The following ITCH variants were observed in gnomAD, a reference collection of about 807,000 sequenced individuals.
ITCH encodes the protein E3 ubiquitin-protein ligase Itchy homolog.
ITCH carries 28 observed loss-of-function variants against 126.8 expected under a neutral mutation model. The ratio of observed to expected loss-of-function variants is 0.22; its 90% CI spans 0.16 to 0.30. The LOEUF (loss-of-function observed/expected upper bound fraction) is 0.30. Ranked by LOEUF, ITCH falls within the 10% of genes least tolerant of loss-of-function variation. ITCH has a pLI of 1.00. For synonymous variants in ITCH, 342 were observed against 340.0 expected (o/e 1.01, Z -0.06); for missense variants, 631 against 1,032.4 (o/e 0.61, Z 5.33).
At chr20:34,408,509 G>C in intron 3 of ITCH, 142 bp from the exon 4 acceptor site, 1 of 742,888 alleles carries the variant, frequency 1.3e-6, no homozygotes, top group Admixed American at 2.2e-5. Flanking sequence ...AAGGTTATGA[G>C]TGAATAAAAT....
At chr20:34,505,529 T>A (rs561648766) in intron 24 of ITCH, among the ~76,000 whole-genome samples, 1 of 151,930 alleles carries the variant, frequency 6.6e-6, no homozygotes, top group Non-Finnish European at 1.5e-5. Flanking sequence ...GGACATTTCA[T>A]ATAAAATGAA....
chr20:34,412,447 AATTT>A lies in ITCH; in HGVS notation c.213-62_213-59del, dbSNP rs1601838457. 2.2e-5 allele frequency: 27 copies of A among 1,230,442 alleles called. No individual in the cohort carries two copies. In the East Asian group the frequency reaches 6.7e-4, roughly 30 times the overall value. The allele number at this position is 1,230,442 out of a possible 1,614,324, so 76.2% of individuals were successfully genotyped here. On this transcript the variant is annotated intron_variant, in intron 4 of 24. Transcript: ENST00000374864. ...ACTTTAGACTTTAAAACTGAATTGT[AATTT>A]ATTTAGGATCTCATTGTGATATTCA... is the stretch of plus-strand genomic sequence containing the variant.
chr20:34,487,368 T>C (rs528483344), intron 20 of ITCH, among the ~76,000 whole-genome samples: 1 of 152,312 alleles, frequency 6.6e-6, no homozygotes, highest in South Asian at 2.1e-4. Context: ...TCAGTACATT[T>C]ATGTTTAATT....
intron 16 of ITCH, among the ~76,000 whole-genome samples, chr20:34,474,976 C>T (rs575216533): frequency 1.3e-4 from 19 of 151,844 alleles, no homozygotes; most frequent in East Asian, 9.7e-4. Context: ...ACCTCCCAGA[C>T]GGGGTCGCGG....
chr20:34,402,292 T>G, intron 3 of ITCH: 1 of 1,191,024 alleles, frequency 8.4e-7, no homozygotes, highest in Non-Finnish European at 1.3e-6. Flanking sequence ...TGGGCCAGCT[T>G]ATTCAGCAGT....
At chr20:34,401,554 C>G in intron 3 of ITCH, 1 of 708,658 alleles carries the variant, frequency 1.4e-6, no homozygotes, top group Non-Finnish European at 1.7e-6. Context: ...AAAAAGGCAA[C>G]TAACTTTCTA....
At chr20:34,402,119 T>C (rs1278570158) in intron 3 of ITCH, 1 of 886,296 alleles carries the variant, frequency 1.1e-6, no homozygotes, top group African/African-American at 1.7e-5. Context: ...CAACACCAGC[T>C]ATGCAGAAAG....
At chr20:34,476,863 A>G (rs1988279523) in intron 16 of ITCH, 3 of 152,934 alleles carry the variant, frequency 2.0e-5, no homozygotes, top group South Asian at 2.1e-4. Flanking sequence ...TACACACACA[A>G]TTTTGGTCAA....
chr20:34,467,800 C>G (rs1987226044), intron 14 of ITCH, among the ~76,000 whole-genome samples: 1 of 150,862 alleles, frequency 6.6e-6, no homozygotes, highest in African/African-American at 2.4e-5. Flanking sequence ...ATTCTCCTGC[C>G]TCAGCCTCCT....
chr20:34,440,487 T>G, intron 9 of ITCH, 143 bp downstream of exon 9: 1 of 703,986 alleles, frequency 1.4e-6, no homozygotes. Flanking sequence ...TGAGATGGAG[T>G]GCTCTGTCTC....
intron 11 of ITCH, 107 bp from the exon 12 acceptor site, chr20:34,449,304 C>T: frequency 1.4e-6 from 1 of 696,682 alleles, no homozygotes; most frequent in Non-Finnish European, 2.6e-6. Flanking sequence ...AAGATACAAA[C>T]TCTCTGTGTT....
intron 20 of ITCH, among the ~76,000 whole-genome samples, chr20:34,488,913 C>T (rs1239292939): frequency 6.6e-6 from 1 of 152,068 alleles, no homozygotes; most frequent in Non-Finnish European, 1.5e-5. Flanking sequence ...GTGTTGCACA[C>T]CTATATTCCC....
intron 4 of ITCH, among the ~76,000 whole-genome samples, chr20:34,411,778 G>A (rs1474005057): frequency 6.6e-6 from 1 of 152,144 alleles, no homozygotes; most frequent in Non-Finnish European, 1.5e-5. Flanking sequence ...CTAGCTTTCT[G>A]ATCCTTGACT....
At chr20:34,485,387 T>C (rs953617306) in intron 20 of ITCH, among the ~76,000 whole-genome samples, 1 of 152,228 alleles carries the variant, frequency 6.6e-6, no homozygotes, top group Non-Finnish European at 1.5e-5. Flanking sequence ...GCAGTCCTAC[T>C]AGTAGTATTT....
intron 20 of ITCH, among the ~76,000 whole-genome samples, chr20:34,483,921 G>A (rs1401599806): frequency 6.6e-6 from 1 of 152,190 alleles, no homozygotes; most frequent in Non-Finnish European, 1.5e-5. Context: ...AAGGCAAGGA[G>A]GAGCAAGGCA....
chr20:34,480,196 G>A (rs759921909), intron 18 of ITCH, among the ~76,000 whole-genome samples: 2 of 151,820 alleles, frequency 1.3e-5, no homozygotes, highest in African/African-American at 2.4e-5. Context: ...ACCGTGCCCA[G>A]CCAGGGAAGT....
chr20:34,400,762 T>C (rs1370481037), intron 3 of ITCH, among the ~76,000 whole-genome samples: 1 of 151,238 alleles, frequency 6.6e-6, no homozygotes, highest in Non-Finnish European at 1.5e-5. Context: ...TACCTACTTA[T>C]TTATTTATTT....
At chr20:34,448,847 A>G (rs1984792994) in intron 11 of ITCH, among the ~76,000 whole-genome samples, 1 of 152,134 alleles carries the variant, frequency 6.6e-6, no homozygotes, top group Non-Finnish European at 1.5e-5. Context: ...CAATGTGATC[A>G]TTGGAAACAG....
At chr20:34,385,290 T>TGAC (rs2038242473) in intron 2 of ITCH, among the ~76,000 whole-genome samples, 1 of 143,624 alleles carries the variant, frequency 7.0e-6, no homozygotes, top group Admixed American at 7.3e-5. Context: ...CTCGAACTCC[T>TGAC]GACCTTAGGT....
Sources: allele counts gnomAD v4.1 joint callset (sites outside exome capture counted in the v4.1 genomes callset), GRCh38; gene constraint gnomAD v4.1.1; transcripts MANE v1.5; gene names NCBI Gene and HGNC (gene_info 2026-07-23, HGNC 2026-07-21).